MAP3K5: variants seen among roughly 807,000 people sequenced by gnomAD.
MAP3K5 encodes the protein mitogen-activated protein kinase kinase kinase 5, also known as ASK-1.
In MAP3K5, 56 loss-of-function variants were observed where a neutral mutation model predicts 158.7. The observed-to-expected ratio is 0.35, with a 90% CI of 0.28 to 0.44. The LOEUF is 0.44. Ranked by LOEUF, MAP3K5 falls within the 20% of genes least tolerant of loss-of-function variation. MAP3K5 has a pLI of 1.00. For missense variants in MAP3K5, 1,294 were observed against 1,674.8 expected (o/e 0.77, Z 3.97); for synonymous variants, 579 against 601.7 (o/e 0.96, Z 0.55).
At chr6:136,689,165 T>C (rs753346181) in intron 7 of MAP3K5, among the ~76,000 whole-genome samples, 11 of 152,158 alleles carry the variant, frequency 7.2e-5, no homozygotes, top group Non-Finnish European at 1.3e-4. Context: ...CCAAGTGTTA[T>C]AGCGTGCACC....
At chr6:136,709,871 A>G (rs1781235358) in intron 2 of MAP3K5, among the ~76,000 whole-genome samples, 1 of 152,164 alleles carries the variant, frequency 6.6e-6, no homozygotes, top group South Asian at 2.1e-4. Flanking sequence ...GTTCGAGGCC[A>G]CAGTGAGCTA....
intron 8 of MAP3K5, among the ~76,000 whole-genome samples, chr6:136,661,560 T>C (rs556801654): frequency 6.6e-6 from 1 of 152,176 alleles, no homozygotes; most frequent in South Asian, 2.1e-4. Context: ...CACACCTAGC[T>C]AAATTTTGTT....
At chr6:136,669,477 C>A in intron 7 of MAP3K5, 82 bp from the exon 8 acceptor site, 1 of 787,878 alleles carries the variant, frequency 1.3e-6, no homozygotes, top group Non-Finnish European at 2.2e-6. Context: ...TGTATAACTC[C>A]AATGCCTGAG....
chr6:136,773,830 T>C (rs1382536342), intron 1 of MAP3K5, among the ~76,000 whole-genome samples: 1 of 152,074 alleles, frequency 6.6e-6, no homozygotes, highest in East Asian at 1.9e-4. Flanking sequence ...CTATTTTTAG[T>C]AAAGATGGGG....
At chr6:136,584,401 CA>C (rs1775023376) in intron 23 of MAP3K5, 2 of 154,200 alleles carry the variant, frequency 1.3e-5, no homozygotes, top group South Asian at 4.1e-4. Flanking sequence ...ATTGGACTTA[CA>C]GTTCCACGTG....
Position 136,662,649 on chromosome 6 carries a change from A to G in MAP3K5, c.1367-3271T>C, listed in dbSNP as rs78865683. The stretch of plus-strand genomic sequence containing the variant: ...AGTGCATCAAATTTGTTTTGTATTT[A>G]GGATTTTTTCCATAGGATAGAATTT... On this transcript the variant is annotated intron_variant, in intron 8 of 29. Transcript: ENST00000359015. Among the ~76,000 whole-genome samples the G allele has an allele frequency of 2.3e-3, 350 of 150,100 alleles. 11 individuals are homozygous for G. The East Asian group carries it at 0.053, about 23-fold the overall frequency.
At chr6:136,754,608 G>T (rs1244430044) in intron 1 of MAP3K5, among the ~76,000 whole-genome samples, 1 of 137,960 alleles carries the variant, frequency 7.2e-6, no homozygotes, top group Non-Finnish European at 1.6e-5. Context: ...AGAAAGAAAA[G>T]AAAATCCTGT....
In MAP3K5 at chr6:136,613,498, T is replaced by C. The variant is rs1480947760; in HGVS notation, c.2279-242A>G. Among the ~76,000 whole-genome samples the C allele has an allele frequency of 2.0e-5, 3 of 152,210 alleles. No homozygotes were observed. Among genetic ancestry groups the C allele is most frequent in the Non-Finnish European group, 4.4e-5 (3 of 68,030 alleles). On this transcript the variant is annotated intron_variant, in intron 16 of 29. Coordinates refer to ENST00000359015, the MANE Select transcript of MAP3K5 (RefSeq NM_005923.4). The surrounding 1 kb of genome is among the most constrained non-coding windows in gnomAD (Gnocchi z 4.0). ...CCAACTTTAATTCAAGTCATGATGA[T>C]AGATACTGAAATGGTTCCCATATTT... is the stretch of plus-strand genomic sequence containing the variant.
At chr6:136,681,067 T>A (rs1388360560) in intron 7 of MAP3K5, among the ~76,000 whole-genome samples, 1 of 152,198 alleles carries the variant, frequency 6.6e-6, no homozygotes, top group Non-Finnish European at 1.5e-5. Context: ...GAAAGCAGAA[T>A]CTTCCAGGGC....
At chr6:136,765,975 T>C (rs1280471406) in intron 1 of MAP3K5, among the ~76,000 whole-genome samples, 3 of 152,150 alleles carry the variant, frequency 2.0e-5, no homozygotes, top group Non-Finnish European at 4.4e-5. Flanking sequence ...ATATACAGTT[T>C]CCATTCCTGC....
chr6:136,786,454 A>C (rs866668740), intron 1 of MAP3K5, among the ~76,000 whole-genome samples: 20 of 152,142 alleles, frequency 1.3e-4, no homozygotes, highest in Middle Eastern at 6.8e-3. Context: ...GCAACACGAT[A>C]GTATTGACAT....
chr6:136,746,621 C>A (rs1562668279), intron 1 of MAP3K5, among the ~76,000 whole-genome samples: 2 of 151,950 alleles, frequency 1.3e-5, no homozygotes, highest in Non-Finnish European at 2.9e-5. Flanking sequence ...GAGAGGGAGA[C>A]AAAATCTATG....
intron 7 of MAP3K5, among the ~76,000 whole-genome samples, chr6:136,685,466 T>A (rs1236776895): frequency 6.6e-6 from 1 of 152,140 alleles, no homozygotes; most frequent in Non-Finnish European, 1.5e-5. Flanking sequence ...TTGAATCAGA[T>A]AATATGCCCA....
In MAP3K5 at chr6:136,659,257, T is replaced by TGG; in HGVS notation, c.1487_1488insCC (p.Gln496HisfsTer10). On this transcript the variant is annotated frameshift_variant, in exon 9 of 30. Transcript: ENST00000359015. LOFTEE classifies it high-confidence loss of function. ...TCAGTTTAAAAAGCTTTTCAGATGC[T>TGG]TGAATGACTCTCATGTGGTCATTGG... is the stretch of plus-strand genomic sequence containing the variant. 6.2e-7 allele frequency: 1 copy of TGG among 1,614,182 alleles called. No individual in the cohort carries two copies. The highest frequency in any genetic ancestry group is 8.5e-7 in the Non-Finnish European group (1 of 1,180,020).
At chr6:136,578,670 T>C (rs532301333) in intron 25 of MAP3K5, among the ~76,000 whole-genome samples, 2 of 152,160 alleles carry the variant, frequency 1.3e-5, no homozygotes, top group African/African-American at 4.8e-5. Context: ...AGAAGTAACA[T>C]GTTCAGGGAT....
chr6:136,776,242 T>TTGTA (rs1191705727), intron 1 of MAP3K5, among the ~76,000 whole-genome samples: 1 of 152,162 alleles, frequency 6.6e-6, no homozygotes, highest in Non-Finnish European at 1.5e-5. Flanking sequence ...GTCTTTTATT[T>TTGTA]TTTATTTATT....
At chr6:136,668,574 CCCATAGACAGGATT>C (rs1198552903) in intron 8 of MAP3K5, among the ~76,000 whole-genome samples, 2 of 152,036 alleles carry the variant, frequency 1.3e-5, no homozygotes, top group African/African-American at 4.8e-5. Context: ...AAATATGATT[CCCATAGACAGGATT>C]CCAGTATCTA....
intron 2 of MAP3K5, among the ~76,000 whole-genome samples, chr6:136,711,190 T>C (rs1470876696): frequency 1.3e-5 from 2 of 151,578 alleles, no homozygotes; most frequent in Non-Finnish European, 2.9e-5. Context: ...AAAATCTCAA[T>C]AATCTTAAAA....
intron 26 of MAP3K5, among the ~76,000 whole-genome samples, chr6:136,566,719 A>G (rs1002323001): frequency 2.0e-5 from 3 of 152,230 alleles, no homozygotes; most frequent in Admixed American, 2.0e-4. Context: ...GTCTATATGG[A>G]TTTACTTAAC....
Sources: gnomAD v4.1 joint callset for allele counts (sites outside exome capture counted in the v4.1 genomes callset) on GRCh38, gnomAD v4.1.1 for gene constraint, Gnocchi (gnomAD v3.1) non-coding constraint, MANE v1.5 for transcripts, NCBI Gene and HGNC (gene_info 2026-07-23, HGNC 2026-07-21) for gene names.